Variants in PPARGC1A observed in about 807,000 individuals in gnomAD.
PPARGC1A encodes the protein PPARG coactivator 1 alpha.
A neutral mutation model predicts 88.7 loss-of-function variants in PPARGC1A; 25 were observed. The ratio of observed to expected loss-of-function variants is 0.28; its 90% CI spans 0.21 to 0.39. The LOEUF (loss-of-function observed/expected upper bound fraction) is 0.39. Among genes scored for constraint, PPARGC1A ranks in the 10% least tolerant of loss-of-function variants. The pLI, the probability that PPARGC1A is intolerant of heterozygous loss-of-function variation, is 1.00. For missense variants in PPARGC1A, 880 were observed against 968.7 expected (o/e 0.91, Z 1.22); for synonymous variants, 363 against 355.6 (o/e 1.02, Z -0.24).
chr4:24,086,450 G>A, the PPARGC1A span, among the ~76,000 whole-genome samples: 1 of 152,086 alleles, frequency 6.6e-6, no homozygotes, highest in Non-Finnish European at 1.5e-5. Flanking sequence ...GCCTTGAATT[G>A]TCTTCCCAGT....
At chr4:23,946,287 C>T in the PPARGC1A span, among the ~76,000 whole-genome samples, 4 of 152,148 alleles carry the variant, frequency 2.6e-5, no homozygotes, top group South Asian at 2.1e-4. Flanking sequence ...GATATCTCTT[C>T]GTCAGGCCCA....
chr4:24,085,858 T>C, the PPARGC1A span, among the ~76,000 whole-genome samples: 2 of 152,176 alleles, frequency 1.3e-5, no homozygotes, highest in Non-Finnish European at 2.9e-5. Context: ...CTCAGTCTCA[T>C]GTAATAATTA....
the PPARGC1A span, among the ~76,000 whole-genome samples, chr4:24,419,993 T>C: frequency 6.6e-6 from 1 of 152,214 alleles, no homozygotes; most frequent in African/African-American, 2.4e-5. Context: ...AAGTGAAAAA[T>C]AGGCTCTAAA....
chr4:24,099,230 C>T, the PPARGC1A span, among the ~76,000 whole-genome samples: 1 of 143,854 alleles, frequency 7.0e-6, no homozygotes, highest in Non-Finnish European at 1.5e-5. Context: ...AACAAAAGGG[C>T]TATACGATAT....
At chr4:23,943,661 G>C in the PPARGC1A span, among the ~76,000 whole-genome samples, 1 of 152,176 alleles carries the variant, frequency 6.6e-6, no homozygotes, top group Non-Finnish European at 1.5e-5. Context: ...GCTGTATTTA[G>C]TGACCTATTT....
the PPARGC1A span, among the ~76,000 whole-genome samples, chr4:24,372,170 T>C: frequency 6.6e-6 from 1 of 152,192 alleles, no homozygotes; most frequent in African/African-American, 2.4e-5. Flanking sequence ...TACATTCTAC[T>C]TCCCAGTCTT....
chr4:23,813,557 G>T, intron 8 of PPARGC1A, 133 bp downstream of exon 8: 1 of 782,696 alleles, frequency 1.3e-6, no homozygotes, highest in Non-Finnish European at 2.0e-6. Context: ...GTTCTCGTTA[G>T]TTCCAGCAGT....
the PPARGC1A span, among the ~76,000 whole-genome samples, chr4:24,319,900 T>C: frequency 6.6e-6 from 1 of 151,934 alleles, no homozygotes; most frequent in Non-Finnish European, 1.5e-5. Flanking sequence ...TTTTTTTCCT[T>C]CTTCTTCATA....
the PPARGC1A span, among the ~76,000 whole-genome samples, chr4:24,221,723 T>A: frequency 1.3e-5 from 2 of 152,270 alleles, no homozygotes; most frequent in Admixed American, 6.5e-5. Context: ...CCGTGAGCTA[T>A]GATCACACCA....
At chr4:24,472,732 T>C in the PPARGC1A span, among the ~76,000 whole-genome samples, 2 of 151,664 alleles carry the variant, frequency 1.3e-5, no homozygotes, top group African/African-American at 4.8e-5. This position sits in a 1 kb window ranked among gnomAD's most constrained non-coding sequence, Gnocchi z 4.5. Context: ...TCGTCCTGAC[T>C]TGGGCAGCCG....
chr4:23,801,137 C>T (rs1051244206), intron 12 of PPARGC1A, among the ~76,000 whole-genome samples: 6 of 151,916 alleles, frequency 3.9e-5, no homozygotes, highest in African/African-American at 1.4e-4. Flanking sequence ...GATGGCAATG[C>T]TATGGTTCGT....
the PPARGC1A span, among the ~76,000 whole-genome samples, chr4:23,942,943 GA>G: frequency 1.3e-5 from 2 of 152,206 alleles, no homozygotes; most frequent in Non-Finnish European, 2.9e-5. Flanking sequence ...CACAGTCTAA[GA>G]AGGTGTTTTG....
At chr4:24,036,633 G>A in the PPARGC1A span, among the ~76,000 whole-genome samples, 3 of 150,288 alleles carry the variant, frequency 2.0e-5, no homozygotes, top group Non-Finnish European at 4.4e-5. Flanking sequence ...AAAAAAAGAT[G>A]AGAAACAAAA....
At chr4:24,183,577 C>T in the PPARGC1A span, among the ~76,000 whole-genome samples, 3 of 152,194 alleles carry the variant, frequency 2.0e-5, no homozygotes, top group Non-Finnish European at 4.4e-5. Flanking sequence ...CCCTGGGAGA[C>T]ATTAGACTGT....
chr4:23,978,750 C>T, the PPARGC1A span, among the ~76,000 whole-genome samples: 15 of 152,208 alleles, frequency 9.9e-5, no homozygotes, highest in African/African-American at 2.2e-4. Flanking sequence ...TTATTTAAAG[C>T]GACTGGGGAG....
chr4:24,457,798 C>T, the PPARGC1A span, among the ~76,000 whole-genome samples: 3 of 152,092 alleles, frequency 2.0e-5, no homozygotes, highest in African/African-American at 7.2e-5. Flanking sequence ...CTCTTGACCT[C>T]GTGATCCACC....
At chr4:24,098,227 G>A in the PPARGC1A span, among the ~76,000 whole-genome samples, 7 of 152,152 alleles carry the variant, frequency 4.6e-5, no homozygotes, top group Non-Finnish European at 8.8e-5. Context: ...ACTGAAATTT[G>A]TAGAGTTACT....
At chr4:24,117,457 C>A in the PPARGC1A span, among the ~76,000 whole-genome samples, 4 of 151,726 alleles carry the variant, frequency 2.6e-5, no homozygotes, top group Admixed American at 2.6e-4. Flanking sequence ...CAGACAACAA[C>A]AAAAAAACTT....
chr4:24,279,104 C>T, the PPARGC1A span, among the ~76,000 whole-genome samples: 1 of 152,200 alleles, frequency 6.6e-6, no homozygotes. Flanking sequence ...TCCATCTAAC[C>T]TTTTTGGCCT....
Sources: allele counts gnomAD v4.1 joint callset (sites outside exome capture counted in the v4.1 genomes callset), GRCh38; gene constraint gnomAD v4.1.1; non-coding constraint Gnocchi (gnomAD v3.1); transcripts MANE v1.5; gene names NCBI Gene and HGNC (gene_info 2026-07-23, HGNC 2026-07-21).